RALYL: variants seen among roughly 807,000 people sequenced by gnomAD.
The protein encoded by RALYL is RALY RNA binding protein like, also known as RNA-binding Raly-like protein.
Under a neutral mutation model 35.1 loss-of-function variants are expected in RALYL, and 29 were observed. That is an observed-to-expected ratio of 0.83 (90% CI 0.61 to 1.13). RALYL has a LOEUF of 1.13. Ranked by LOEUF, RALYL falls within the 50% of genes most tolerant of loss-of-function variation. RALYL has a pLI of 0.00. For synonymous variants in RALYL, 120 were observed against 127.6 expected, an observed-to-expected ratio of 0.94 and a Z score of 0.40; for missense variants, 359 against 360.4, an observed-to-expected ratio of 1.00 and a Z score of 0.03.
Position 84,828,666 on chromosome 8 carries a change from A to T in RALYL, c.366-21314A>T, listed in dbSNP as rs148909958. The T allele has an allele frequency of 6.0e-3, 1,125 of 188,884 alleles. 9 individuals carry two copies. The highest frequency in any genetic ancestry group is 0.011 in the Non-Finnish European group (894 of 83,538). 11.7% of individuals were successfully genotyped at this position (188,884 alleles called of 1,614,324 possible). On this transcript the variant is annotated intron_variant, in intron 4 of 8. Coordinates refer to ENST00000521268, the MANE Select transcript of RALYL (RefSeq NM_173848.7). Reference sequence around the variant, plus strand: ...CAACATTTTGTGGTAGACATTCAAGAGTAATCTTATAACAGTTCAGTTTCT... The same window carrying T: ...CAACATTTTGTGGTAGACATTCAAGTGTAATCTTATAACAGTTCAGTTTCT...
At chr8:84,659,852 G>A (rs908679689) in intron 2 of RALYL, among the ~76,000 whole-genome samples, 2 of 152,044 alleles carry the variant, frequency 1.3e-5, no homozygotes, top group South Asian at 2.1e-4. Context: ...ATAGATAACC[G>A]ATATTTTGAA....
intron 4 of RALYL, among the ~76,000 whole-genome samples, chr8:84,814,916 T>TGTTTTC (rs1826830480): frequency 6.6e-6 from 1 of 152,204 alleles, no homozygotes; most frequent in African/African-American, 2.4e-5. Context: ...CACAGGTAGA[T>TGTTTTC]CAACAGATGC....
intron 1 of RALYL, among the ~76,000 whole-genome samples, chr8:84,276,386 C>A (rs1254821458): frequency 6.6e-6 from 1 of 152,132 alleles, no homozygotes; most frequent in African/African-American, 2.4e-5. Flanking sequence ...ATTTCCCTCC[C>A]CTGTCTTTAC....
At chr8:84,466,586 A>T (rs936471579) in intron 1 of RALYL, among the ~76,000 whole-genome samples, 63 of 150,716 alleles carry the variant, frequency 4.2e-4, no homozygotes, top group African/African-American at 1.2e-3. Flanking sequence ...TTCATCAAGG[A>T]TATTGGTCTA....
intron 1 of RALYL, among the ~76,000 whole-genome samples, chr8:84,526,582 A>G (rs764945339): frequency 6.6e-6 from 1 of 152,208 alleles, no homozygotes; most frequent in Non-Finnish European, 1.5e-5. Flanking sequence ...GTTTGCATAC[A>G]TGACTTAGAA....
chr8:84,339,969 T>G (rs1563758188), intron 1 of RALYL, among the ~76,000 whole-genome samples: 1 of 152,082 alleles, frequency 6.6e-6, no homozygotes, highest in Non-Finnish European at 1.5e-5. Flanking sequence ...GGAAGGTAAT[T>G]TAATCATGGG....
chr8:84,549,087 G>A (rs2060548734), intron 2 of RALYL, among the ~76,000 whole-genome samples: 1 of 152,146 alleles, frequency 6.6e-6, no homozygotes, highest in Admixed American at 6.6e-5. Context: ...GAGAGGCCCA[G>A]TTATTTTTAT....
chr8:84,558,793 T>C (rs576244972), intron 2 of RALYL, among the ~76,000 whole-genome samples: 1 of 152,298 alleles, frequency 6.6e-6, no homozygotes, highest in African/African-American at 2.4e-5. Context: ...AGGATTGTCC[T>C]CTGTAATTGC....
chr8:84,388,146 T>C, intron 1 of RALYL, among the ~76,000 whole-genome samples: 1 of 152,114 alleles, frequency 6.6e-6, no homozygotes, highest in East Asian at 1.9e-4. Flanking sequence ...TCCAATTTCA[T>C]CCATGTCCCT....
chr8:84,756,862 T>A (rs1811545497), intron 2 of RALYL, among the ~76,000 whole-genome samples: 1 of 152,068 alleles, frequency 6.6e-6, no homozygotes, highest in Non-Finnish European at 1.5e-5. Flanking sequence ...GATTACTCTG[T>A]GAATAAAACC....
chr8:84,530,249 G>T (rs1041935432), intron 2 of RALYL, among the ~76,000 whole-genome samples: 1 of 151,680 alleles, frequency 6.6e-6, no homozygotes, highest in Non-Finnish European at 1.5e-5. Flanking sequence ...TAATTATTTA[G>T]ATGTTTTTCT....
intron 2 of RALYL, among the ~76,000 whole-genome samples, chr8:84,589,861 A>ATATCAT (rs1422939129): frequency 6.6e-6 from 1 of 152,226 alleles, no homozygotes; most frequent in Non-Finnish European, 1.5e-5. Context: ...TAATATTTCT[A>ATATCAT]TATCATGTAG....
At chr8:84,728,482 G>A (rs1277168504) in intron 2 of RALYL, among the ~76,000 whole-genome samples, 1 of 151,494 alleles carries the variant, frequency 6.6e-6, no homozygotes, top group Non-Finnish European at 1.5e-5. Flanking sequence ...AGTTTAATTA[G>A]ATCCCATTTG....
chr8:84,234,772 T>TATTTA (rs201899185), intron 1 of RALYL, among the ~76,000 whole-genome samples: 3 of 106,382 alleles, frequency 2.8e-5, no homozygotes, highest in African/African-American at 1.4e-4. Context: ...TTTATTTATT[T>TATTTA]TTTTTTTTTT....
At chr8:84,388,512 T>C (rs906995703) in intron 1 of RALYL, among the ~76,000 whole-genome samples, 3 of 152,222 alleles carry the variant, frequency 2.0e-5, no homozygotes, top group African/African-American at 7.2e-5. Flanking sequence ...TGTTGTTTCC[T>C]GACTTTTTAA....
At chr8:84,469,731 C>A (rs1170747452) in intron 1 of RALYL, among the ~76,000 whole-genome samples, 1 of 152,204 alleles carries the variant, frequency 6.6e-6, no homozygotes, top group East Asian at 1.9e-4. Flanking sequence ...GGCGCCCCTC[C>A]CCCAGCCTAG....
chr8:84,212,921 A>C (rs1819852175), intron 1 of RALYL, among the ~76,000 whole-genome samples: 1 of 152,130 alleles, frequency 6.6e-6, no homozygotes, highest in Non-Finnish European at 1.5e-5. Context: ...AATAAGTAAT[A>C]CAATAAAAAG....
At chr8:84,551,536 A>T in intron 2 of RALYL, among the ~76,000 whole-genome samples, 1 of 152,144 alleles carries the variant, frequency 6.6e-6, no homozygotes, top group East Asian at 1.9e-4. Flanking sequence ...TTGAAATATT[A>T]AGTAATTAGA....
intron 2 of RALYL, among the ~76,000 whole-genome samples, chr8:84,694,951 T>G (rs141386870): frequency 4.7e-4 from 71 of 151,914 alleles, no homozygotes; most frequent in African/African-American, 1.6e-3. Context: ...ATTTAATTCT[T>G]GTAACAGTCC....
Sources: allele counts gnomAD v4.1 joint callset (sites outside exome capture counted in the v4.1 genomes callset), GRCh38; gene constraint gnomAD v4.1.1; transcripts MANE v1.5; gene names NCBI Gene and HGNC (gene_info 2026-07-23, HGNC 2026-07-21).